The following NLK variants were observed in gnomAD, a reference collection of about 807,000 sequenced individuals.
NLK encodes nemo like kinase, also known as serine/threonine-protein kinase NLK.
A neutral mutation model predicts 59.0 loss-of-function variants in NLK; 11 were observed. The ratio of observed to expected loss-of-function variants is 0.19; its 90% CI spans 0.12 to 0.31. The LOEUF is 0.31. NLK is among the 10% of genes least tolerant of loss of function. The probability of loss-of-function intolerance (pLI) is 1.00; values close to 1 mark genes in which losing one functional copy is unlikely to be tolerated. For missense variants in NLK, 410 were observed against 661.1 expected (o/e 0.62, Z 4.16); for synonymous variants, 235 against 235.9 (o/e 1.00, Z 0.03).
Position 28,194,552 on chromosome 17 carries a change from A to G in NLK, c.1530-30A>G, listed in dbSNP as rs376388624. 1.0e-5 allele frequency: 16 copies of G among 1,548,342 alleles called. No homozygotes were observed. In the East Asian group the frequency reaches 1.8e-4, roughly 18 times the overall value. Reference sequence around the variant, plus strand: ...CCCTTTTGTCCATTGTGACATTACAACTAATTTCTCCATCTCTGTTTTCTT... The same window carrying G: ...CCCTTTTGTCCATTGTGACATTACAGCTAATTTCTCCATCTCTGTTTTCTT... On this transcript the variant is annotated intron_variant, in intron 10 of 10. Coordinates refer to ENST00000407008, the MANE Select transcript of NLK (RefSeq NM_016231.5).
chr17:28,177,650 C>T (rs1431814661), intron 7 of NLK, among the ~76,000 whole-genome samples: 1 of 152,188 alleles, frequency 6.6e-6, no homozygotes, highest in African/African-American at 2.4e-5. Context: ...ATTCTATTAC[C>T]ATAACAATCC....
At chr17:28,192,321 G>T in intron 10 of NLK, 108 bp downstream of exon 10, 1 of 650,398 alleles carries the variant, frequency 1.5e-6, no homozygotes, top group Non-Finnish European at 2.7e-6. Context: ...GATAAAAGGT[G>T]CAACAGAAAG....
intron 2 of NLK, among the ~76,000 whole-genome samples, chr17:28,123,639 T>C (rs937773705): frequency 6.6e-6 from 1 of 152,198 alleles, no homozygotes; most frequent in Non-Finnish European, 1.5e-5. Flanking sequence ...GAGATTAAGT[T>C]AGAGATGTGG....
intron 7 of NLK, among the ~76,000 whole-genome samples, chr17:28,177,655 CA>C (rs1054743768): frequency 1.4e-4 from 22 of 152,316 alleles, no homozygotes; most frequent in Admixed American, 2.6e-4. Flanking sequence ...ATTACCATAA[CA>C]ATCCTTCTGG....
intron 4 of NLK, among the ~76,000 whole-genome samples, chr17:28,161,685 G>T (rs942264730): frequency 2.0e-5 from 3 of 152,154 alleles, no homozygotes; most frequent in Non-Finnish European, 4.4e-5. Flanking sequence ...CTGAGTATTG[G>T]CTGGCATACC....
chr17:28,190,862 A>G (rs1909281233), intron 8 of NLK, 159 bp from the exon 9 acceptor site: 7 of 545,288 alleles, frequency 1.3e-5, no homozygotes, highest in Admixed American at 3.6e-5. Context: ...CTCTGCTGCT[A>G]TGTTACCCAC....
chr17:28,114,478 A>C (rs1469627370), intron 1 of NLK, among the ~76,000 whole-genome samples: 1 of 152,172 alleles, frequency 6.6e-6, no homozygotes, highest in African/African-American at 2.4e-5. Context: ...GTTCCTTATA[A>C]GTGTTGCAAG....
chr17:28,074,832 C>G (rs1342152422), intron 1 of NLK, among the ~76,000 whole-genome samples: 1 of 152,060 alleles, frequency 6.6e-6, no homozygotes, highest in Admixed American at 6.6e-5. Context: ...GTTGGGATGA[C>G]TTAACAATAG....
intron 1 of NLK, among the ~76,000 whole-genome samples, chr17:28,060,006 A>G (rs1458861493): frequency 6.6e-6 from 1 of 152,196 alleles, no homozygotes; most frequent in African/African-American, 2.4e-5. Flanking sequence ...TTCTAAGTTT[A>G]TATAACATAG....
Position 28,194,612 on chromosome 17 carries a change from C to G in NLK, c.1560C>G (p.Pro520=), listed in dbSNP as rs1441885812. The G allele has an allele frequency of 6.3e-7, 1 of 1,598,018 alleles. No homozygotes were observed. The highest frequency in any genetic ancestry group is 8.6e-7 in the Non-Finnish European group (1 of 1,167,832). Residue 520 remains proline (P), a synonymous_variant, in exon 11 of 11, where the codon CCC becomes CCG. Coordinates refer to ENST00000407008, the MANE Select transcript of NLK (RefSeq NM_016231.5). ...CTGTTGCTCAGCCATCTGAGATGCCCCCATCTCCTCTGGTGTGGGAGTGAT... is the reference window on the plus strand; with the variant it reads ...CTGTTGCTCAGCCATCTGAGATGCCGCCATCTCCTCTGGTGTGGGAGTGAT... ...SSTVAQPSEM[P]PSPLVWE
At chr17:28,084,569 C>T (rs1013885681) in intron 1 of NLK, among the ~76,000 whole-genome samples, 54 of 146,834 alleles carry the variant, frequency 3.7e-4, no homozygotes, top group Non-Finnish European at 6.2e-4. Flanking sequence ...ACTACCTTTT[C>T]TTTTTTTTTT....
In NLK at chr17:28,114,451, C is replaced by A. The variant is rs1257207299; in HGVS notation, c.459-8152C>A. ...TGATTTGTAGGAGTTCTGTATACAT[C>A]TGGATAAGAGCCCTTTGTTCCTTAT... is the stretch of plus-strand genomic sequence containing the variant. On this transcript the variant is annotated intron_variant, in intron 1 of 10. Transcript: ENST00000407008. 2.0e-5 allele frequency among the ~76,000 whole-genome samples: 3 copies of A among 152,186 alleles called. No individual in the cohort carries two copies. In the East Asian group the frequency reaches 5.8e-4, roughly 29 times the overall value.
At chr17:28,060,865 G>T (rs970401196) in intron 1 of NLK, among the ~76,000 whole-genome samples, 1 of 152,100 alleles carries the variant, frequency 6.6e-6, no homozygotes, top group East Asian at 1.9e-4. Flanking sequence ...GAATGCACAC[G>T]CTCTTTGGAG....
intron 3 of NLK, among the ~76,000 whole-genome samples, chr17:28,151,999 T>C (rs1215588616): frequency 6.6e-6 from 1 of 152,246 alleles, no homozygotes; most frequent in African/African-American, 2.4e-5. Context: ...CCTTTTCAGT[T>C]TTTTGATATC....
At chr17:28,203,772 G>A in the NLK span, among the ~76,000 whole-genome samples, 1 of 152,094 alleles carries the variant, frequency 6.6e-6, no homozygotes, top group Non-Finnish European at 1.5e-5. Context: ...TCTGACCTCA[G>A]GTGATCCACC....
At chr17:28,155,609 G>A (rs1002698890) in intron 3 of NLK, among the ~76,000 whole-genome samples, 6 of 152,166 alleles carry the variant, frequency 3.9e-5, no homozygotes, top group Non-Finnish European at 8.8e-5. Flanking sequence ...CATAAAAAAG[G>A]ATGAGTTCAT....
intron 1 of NLK, among the ~76,000 whole-genome samples, chr17:28,058,408 T>C (rs1183430562): frequency 1.3e-5 from 2 of 152,244 alleles, no homozygotes; most frequent in African/African-American, 4.8e-5. Flanking sequence ...TTAAAGTAGA[T>C]ACTCATTCTT....
intron 1 of NLK, among the ~76,000 whole-genome samples, chr17:28,049,385 T>G (rs992846494): frequency 6.6e-6 from 1 of 152,194 alleles, no homozygotes; most frequent in Non-Finnish European, 1.5e-5. Flanking sequence ...TTTAACACCT[T>G]TGGAACTCAC....
chr17:28,077,926 TCTG>T (rs1436619269), intron 1 of NLK, among the ~76,000 whole-genome samples: 1 of 152,204 alleles, frequency 6.6e-6, no homozygotes, highest in Non-Finnish European at 1.5e-5. Flanking sequence ...CACAGAAAGT[TCTG>T]CTTCTTTCTC....
Sources: gnomAD v4.1 joint callset for allele counts (sites outside exome capture counted in the v4.1 genomes callset) on GRCh38, gnomAD v4.1.1 for gene constraint, MANE v1.5 for transcripts, NCBI Gene and HGNC (gene_info 2026-07-23, HGNC 2026-07-21) for gene names.